Variants in ABCD2 observed in about 807,000 individuals in gnomAD.
The protein encoded by ABCD2 is ATP binding cassette subfamily D member 2, also known as ATP-binding cassette sub-family D member 2.
In ABCD2, 36 loss-of-function variants were observed where a neutral mutation model predicts 70.9. The ratio of observed to expected loss-of-function variants is 0.51; its 90% CI spans 0.39 to 0.67. The LOEUF is 0.67. Ranked by LOEUF, ABCD2 falls within the 30% of genes least tolerant of loss-of-function variation. The pLI is 0.00. For missense variants in ABCD2, 729 were observed against 890.2 expected, an observed-to-expected ratio of 0.82 and a Z score of 2.30; for synonymous variants, 304 against 306.9, an observed-to-expected ratio of 0.99 and a Z score of 0.10.
rs1019169619 is a variant in ABCD2 at position 39,607,671 on chromosome 12, G to A, written c.1164C>T (p.Ala388=). Residue 388 remains alanine (A), a synonymous_variant, in exon 3 of 10, where the codon GCC becomes GCT. Coordinates refer to ENST00000308666, the MANE Select transcript of ABCD2 (RefSeq NM_005164.4). ...KQVMVSERTE[A]FTTARNLLAS... ...CCAGTAAATTTCGAGCAGTGGTAAA[G>A]GCTTCTGTCCGTTCACTAACCATAA... 24 of 1,613,238 alleles carry A rather than the reference G, an allele frequency of 1.5e-5. No homozygotes were observed. Among genetic ancestry groups the A allele is most frequent in the Non-Finnish European group, 2.0e-5 (24 of 1,179,806 alleles).
intron 2 of ABCD2, among the ~76,000 whole-genome samples, chr12:39,608,705 T>A (rs985121423): frequency 6.6e-6 from 1 of 151,610 alleles, no homozygotes; most frequent in Non-Finnish European, 1.5e-5. Flanking sequence ...ATAAAATAAA[T>A]AAAATAAAAT....
chr12:39,608,572 C>T (rs1001515304), intron 2 of ABCD2, among the ~76,000 whole-genome samples: 1 of 151,976 alleles, frequency 6.6e-6, no homozygotes, highest in Admixed American at 6.5e-5. Context: ...CCTGCAATCC[C>T]AGCTACTTGG....
intron 9 of ABCD2, among the ~76,000 whole-genome samples, chr12:39,570,743 T>C (rs1374615987): frequency 6.6e-6 from 1 of 151,952 alleles, no homozygotes; most frequent in Non-Finnish European, 1.5e-5. Flanking sequence ...AAAGTAAAAA[T>C]AGACAAATGG....
chr12:39,597,800 T>C (rs74088758), intron 6 of ABCD2, among the ~76,000 whole-genome samples: 1,547 of 152,314 alleles, frequency 0.01, 21 homozygotes, highest in African/African-American at 0.036. Context: ...CTAATGATCA[T>C]ATGTCATTAA....
chr12:39,602,779 A>T (rs1266509734), intron 5 of ABCD2, among the ~76,000 whole-genome samples: 2 of 152,186 alleles, frequency 1.3e-5, no homozygotes, highest in African/African-American at 4.8e-5. Context: ...TGTAGTTAGT[A>T]AGCAAAGCTC....
At chr12:39,567,234 T>C (rs548941661) in intron 9 of ABCD2, among the ~76,000 whole-genome samples, 2 of 152,340 alleles carry the variant, frequency 1.3e-5, no homozygotes, top group African/African-American at 4.8e-5. Flanking sequence ...AGTGGGGTGT[T>C]AAACTCTCCC....
rs1374987773 is a variant in ABCD2 at position 39,619,497 on chromosome 12, A to G, written c.119T>C (p.Ile40Thr). The change falls in exon 1 of 10, where the codon ATT (isoleucine) becomes ACT (threonine). Residue 40 changes from isoleucine (I) to threonine (T), a missense_variant. Physicochemically the swap from Ile to Thr is moderately conservative, Grantham distance 89. Transcript: ENST00000308666. ...GCCAGATTGCTTTAAACGCTTGCCAATGATGGGATAGAGGGTTTTCAGAGC... is the reference window on the plus strand; with the variant it reads ...GCCAGATTGCTTTAAACGCTTGCCAGTGATGGGATAGAGGGTTTTCAGAGC... ...AYALKTLYPI[I>T]GKRLKQSGHG... The G allele has an allele frequency of 1.7e-5, 27 of 1,613,154 alleles. No individual in the cohort carries two copies. Among genetic ancestry groups the G allele is most frequent in the Non-Finnish European group, 2.1e-5 (25 of 1,180,004 alleles).
Position 39,576,198 on chromosome 12 carries a change from T to C in ABCD2, c.1878-2357A>G, listed in dbSNP as rs77532990. Among the ~76,000 whole-genome samples the C allele has an allele frequency of 9.1e-4, 138 of 152,290 alleles. 2 individuals are homozygous for C. In the East Asian group the frequency reaches 0.022, roughly 25 times the overall value. ...GTTTTTGAGACGGAGTCTCATACTA[T>C]TGCCAGGTTGGAGTGCAGTGGCACC... On this transcript the variant is annotated intron_variant, in intron 8 of 9. Transcript: ENST00000308666.
chr12:39,589,317 A>G (rs1294769649), intron 6 of ABCD2, among the ~76,000 whole-genome samples: 1 of 151,632 alleles, frequency 6.6e-6, no homozygotes, highest in African/African-American at 2.4e-5. Flanking sequence ...TTACTTGTAC[A>G]TGTGTATGTT....
chr12:39,607,834 A>C (rs1941991563), intron 2 of ABCD2, 120 bp from the exon 3 acceptor site: 1 of 692,174 alleles, frequency 1.4e-6, no homozygotes, highest in Non-Finnish European at 2.4e-6. Context: ...ATTTTTCATT[A>C]GTAGTAGCAA....
At chr12:39,585,672 C>A (rs538486079) in intron 7 of ABCD2, among the ~76,000 whole-genome samples, 1 of 151,954 alleles carries the variant, frequency 6.6e-6, no homozygotes, top group African/African-American at 2.4e-5. Context: ...GCTGAAAAAC[C>A]ACAATACAGA....
At chr12:39,583,390 G>A (rs1035010663) in intron 7 of ABCD2, among the ~76,000 whole-genome samples, 1 of 152,072 alleles carries the variant, frequency 6.6e-6, no homozygotes, top group Non-Finnish European at 1.5e-5. Flanking sequence ...CTGTAAAATA[G>A]AACATAAAAT....
At chr12:39,581,495 A>C (rs1941595023) in intron 7 of ABCD2, among the ~76,000 whole-genome samples, 1 of 152,166 alleles carries the variant, frequency 6.6e-6, no homozygotes, top group South Asian at 2.1e-4. Context: ...TGTTAGGAAA[A>C]ATAATCTTAA....
rs1941884214 is a variant in ABCD2, at chr12:39,600,645, T to C, written c.1572A>G (p.Leu524=). ...CTTCATACACAGGCCAGAGCCCACT[T>C]AGAATTCTGAAGAGAGAACTTTTCC... ...GCGKSSLFRI[L]SGLWPVYEGV... The change falls in exon 6 of 10, where the codon CTA becomes CTG. Residue 524 remains leucine, a synonymous_variant. Coordinates refer to ENST00000308666, the MANE Select transcript of ABCD2 (RefSeq NM_005164.4). 2 of 1,612,740 alleles carry C rather than the reference T, an allele frequency of 1.2e-6. No homozygotes were observed.
At chr12:39,537,939 CAGG>C in the ABCD2 span, among the ~76,000 whole-genome samples, 2 of 152,110 alleles carry the variant, frequency 1.3e-5, no homozygotes, top group Non-Finnish European at 2.9e-5. Flanking sequence ...CAGAATGAGG[CAGG>C]AGAATAGGGT....
intron 9 of ABCD2, among the ~76,000 whole-genome samples, chr12:39,568,397 C>G (rs916236338): frequency 6.6e-6 from 1 of 152,154 alleles, no homozygotes. Flanking sequence ...CACTGATACC[C>G]TTTCTTCCAG....
At chr12:39,603,048 A>G (rs1388397757) in intron 5 of ABCD2, among the ~76,000 whole-genome samples, 1 of 152,130 alleles carries the variant, frequency 6.6e-6, no homozygotes, top group East Asian at 1.9e-4. Context: ...ATTTCTTTAA[A>G]TTTACTGACA....
chr12:39,569,055 G>C (rs569954769), intron 9 of ABCD2, among the ~76,000 whole-genome samples: 1 of 152,328 alleles, frequency 6.6e-6, no homozygotes, highest in Admixed American at 6.5e-5. Context: ...GTGCATCCCA[G>C]TTAGGCTACT....
rs188045901 is a variant in ABCD2, at chr12:39,562,089, C to A, written c.2004-7958G>T. The stretch of plus-strand genomic sequence containing the variant: ...AATTAAACAACATGATATTGGTTAA[C>A]CAATGGGTCAATAAAGAAATTAAAA... On this transcript the variant is annotated intron_variant, in intron 9 of 9. Transcript: ENST00000308666. Among the ~76,000 whole-genome samples the A allele has an allele frequency of 6.1e-3, 927 of 152,126 alleles. 15 individuals carry two copies. The highest frequency in any genetic ancestry group is 0.021 in the African/African-American group (875 of 41,518).
Sources: gnomAD v4.1 joint callset for allele counts (sites outside exome capture counted in the v4.1 genomes callset) on GRCh38, gnomAD v4.1.1 for gene constraint, MANE v1.5 for transcripts, NCBI Gene and HGNC (gene_info 2026-07-23, HGNC 2026-07-21) for gene names.